SYT1: variants seen among roughly 807,000 people sequenced by gnomAD.
SYT1 encodes the protein synaptotagmin 1, also known as synaptotagmin-1.
In SYT1, 8 loss-of-function variants were observed where a neutral mutation model predicts 44.8. The observed-to-expected ratio is 0.18, with a 90% confidence interval of 0.10 to 0.32. The LOEUF is 0.32. SYT1 is among the 10% of genes least tolerant of loss of function. The pLI is 1.00. For missense variants in SYT1, 286 were observed against 509.3 expected, an observed-to-expected ratio of 0.56 and a Z score of 4.22; for synonymous variants, 154 against 188.8, an observed-to-expected ratio of 0.82 and a Z score of 1.51.
intron 2 of SYT1, among the ~76,000 whole-genome samples, chr12:78,992,603 A>G (rs567161189): frequency 6.6e-6 from 1 of 152,352 alleles, no homozygotes; most frequent in South Asian, 2.1e-4. Flanking sequence ...AAGTTTTCCA[A>G]AAATGTTTAA....
At chr12:79,297,333 A>C (rs897888939) in intron 7 of SYT1, among the ~76,000 whole-genome samples, 2 of 152,202 alleles carry the variant, frequency 1.3e-5, no homozygotes, top group African/African-American at 4.8e-5. Flanking sequence ...ATGAAGCTTA[A>C]TCACTATAGT....
At chr12:79,335,414 T>C (rs1010801521) in intron 8 of SYT1, among the ~76,000 whole-genome samples, 2 of 151,062 alleles carry the variant, frequency 1.3e-5, no homozygotes. Flanking sequence ...TTACTCGCAA[T>C]CTTTTCTTTA....
intron 1 of SYT1, among the ~76,000 whole-genome samples, chr12:78,931,248 AAG>A (rs1877675311): frequency 2.2e-5 from 1 of 46,386 alleles, no homozygotes; most frequent in African/African-American, 8.3e-5. Context: ...AGAAGGAAGG[AAG>A]GAAGGAAGGA....
At chr12:79,036,814 C>T (rs765163332) in intron 2 of SYT1, among the ~76,000 whole-genome samples, 6 of 151,624 alleles carry the variant, frequency 4.0e-5, no homozygotes, top group African/African-American at 7.3e-5. Context: ...TTCTCTTTCA[C>T]GAGAGTGTTC....
chr12:79,382,137 C>A (rs1565934599), intron 9 of SYT1, among the ~76,000 whole-genome samples: 2 of 152,162 alleles, frequency 1.3e-5, no homozygotes, highest in Non-Finnish European at 2.9e-5. Flanking sequence ...ATGAAAATGA[C>A]ACAGTGATTC....
chr12:79,269,657 G>T (rs893589273), intron 4 of SYT1, among the ~76,000 whole-genome samples: 3 of 151,862 alleles, frequency 2.0e-5, no homozygotes, highest in South Asian at 2.1e-4. Context: ...ACAATAATCT[G>T]CACTCGGGTA....
At chr12:78,911,843 A>T (rs1876350084) in intron 1 of SYT1, among the ~76,000 whole-genome samples, 1 of 151,956 alleles carries the variant, frequency 6.6e-6, no homozygotes, top group Non-Finnish European at 1.5e-5. Flanking sequence ...TATTCTAAAC[A>T]TGGTAGTGAT....
intron 9 of SYT1, among the ~76,000 whole-genome samples, chr12:79,432,031 A>G (rs951692085): frequency 5.3e-5 from 8 of 152,222 alleles, no homozygotes; most frequent in African/African-American, 1.9e-4. Flanking sequence ...TTGGTCATCA[A>G]TGAATTAAAA....
At chr12:79,390,864 A>G (rs1884630021) in intron 9 of SYT1, among the ~76,000 whole-genome samples, 1 of 152,086 alleles carries the variant, frequency 6.6e-6, no homozygotes, top group Non-Finnish European at 1.5e-5. Flanking sequence ...TCTCTCTCAA[A>G]TTGCTCATCC....
chr12:79,431,930 A>T (rs1239471667), intron 9 of SYT1, among the ~76,000 whole-genome samples: 1 of 152,136 alleles, frequency 6.6e-6, no homozygotes, highest in East Asian at 1.9e-4. Flanking sequence ...GTAGAAGTTG[A>T]TCTCTCCCTC....
At chr12:79,167,645 A>T (rs1565835492) in intron 3 of SYT1, among the ~76,000 whole-genome samples, 1 of 152,078 alleles carries the variant, frequency 6.6e-6, no homozygotes, top group Non-Finnish European at 1.5e-5. Context: ...AAGAAACAAG[A>T]AGGTGAAATG....
chr12:79,240,315 A>G (rs531214761), intron 4 of SYT1, among the ~76,000 whole-genome samples: 1 of 152,310 alleles, frequency 6.6e-6, no homozygotes, highest in East Asian at 1.9e-4. Context: ...AAGGATTTGA[A>G]CTGAAAAGCA....
intron 3 of SYT1, among the ~76,000 whole-genome samples, chr12:79,109,182 A>T (rs182911820): frequency 2.0e-5 from 3 of 152,240 alleles, no homozygotes; most frequent in Non-Finnish European, 4.4e-5. Context: ...TATGGCTCCA[A>T]CCCAGTGCGC....
intron 4 of SYT1, among the ~76,000 whole-genome samples, chr12:79,265,930 A>G (rs1158679662): frequency 3.3e-5 from 5 of 152,194 alleles, no homozygotes; most frequent in Admixed American, 2.0e-4. Context: ...ACAGAAAACA[A>G]TTGAGTCTTT....
intron 9 of SYT1, among the ~76,000 whole-genome samples, chr12:79,364,284 A>G (rs1883448403): frequency 2.0e-5 from 3 of 151,798 alleles, no homozygotes; most frequent in Admixed American, 6.6e-5. Context: ...TCCAAGAGAT[A>G]AAAGAGAGTG....
chr12:79,020,703 G>A (rs775812958), intron 2 of SYT1, among the ~76,000 whole-genome samples: 1 of 151,814 alleles, frequency 6.6e-6, no homozygotes, highest in Non-Finnish European at 1.5e-5. Flanking sequence ...CATAGCAATA[G>A]GTCTGGGTTT....
chr12:79,185,340 G>T (rs892556108), intron 3 of SYT1, among the ~76,000 whole-genome samples: 15 of 151,632 alleles, frequency 9.9e-5, no homozygotes, highest in African/African-American at 3.6e-4. Flanking sequence ...CAGTTCTATT[G>T]AGCCTGGTAA....
chr12:78,889,248 A>T (rs1289183202), intron 1 of SYT1, among the ~76,000 whole-genome samples: 1 of 151,916 alleles, frequency 6.6e-6, no homozygotes, highest in African/African-American at 2.4e-5. Flanking sequence ...TTTTATACAA[A>T]ATGTGGTGTA....
chr12:79,386,730 C>A (rs372397850), intron 9 of SYT1, among the ~76,000 whole-genome samples: 1 of 152,184 alleles, frequency 6.6e-6, no homozygotes, highest in Non-Finnish European at 1.5e-5. Flanking sequence ...CTTTTCAAAA[C>A]GTCTCAGTGC....
Sources: gnomAD v4.1 joint callset for allele counts (sites outside exome capture counted in the v4.1 genomes callset) on GRCh38, gnomAD v4.1.1 for gene constraint, MANE v1.5 for transcripts, NCBI Gene and HGNC (gene_info 2026-07-23, HGNC 2026-07-21) for gene names.